The following ABCA7 variants were observed in gnomAD, a reference collection of about 807,000 sequenced individuals.
ABCA7 encodes ATP binding cassette subfamily A member 7, also known as phospholipid-transporting ATPase ABCA7.
ABCA7 carries 261 observed loss-of-function variants against 227.6 expected under a neutral mutation model. The observed-to-expected ratio is 1.15, with a 90% CI of 1.04 to 1.27. The LOEUF is 1.27. ABCA7 is among the 50% of genes most tolerant of loss of function. The pLI, the probability that ABCA7 is intolerant of heterozygous loss-of-function variation, is 0.00. For missense variants in ABCA7, 3,331 were observed against 2,924.5 expected (o/e 1.14, Z -3.21); for synonymous variants, 1,488 against 1,279.7 (o/e 1.16, Z -3.47).
chr19:1,045,269 G>A lies in ABCA7; in HGVS notation c.1445+38G>A, dbSNP rs564167317. The A allele has an allele frequency of 3.6e-5, 54 of 1,502,508 alleles. No homozygotes were observed. The South Asian group carries it at 5.5e-4, about 15-fold the overall frequency. 93.1% of individuals were successfully genotyped at this position (1,502,508 alleles called of 1,614,324 possible). ...AGGGGGCGGGGGGATGAGGGACTGG[G>A]CGGGGCCAAGAGCGTGGTGGGTGGG... On this transcript the variant is annotated intron_variant, in intron 12 of 46. Transcript: ENST00000263094.
In ABCA7 at chr19:1,056,114, C is replaced by T; in HGVS notation, c.4287C>T (p.Gly1429=). ...GCCGAGACCCAGGCCTGCCCTCGGG[C>T]CAAGAGTTGGGCCGCTCAGTGGAGG... ...LGGRDPGLPS[G]QELGRSVEEL... Residue 1429 remains glycine (G), a synonymous_variant, in exon 32 of 47, where the codon GGC becomes GGT. Coordinates refer to ENST00000263094, the MANE Select transcript of ABCA7 (RefSeq NM_019112.4). The surrounding 1 kb of genome is among the most constrained non-coding windows in gnomAD (Gnocchi z 4.3). 3 of 1,607,898 alleles carry T rather than the reference C, an allele frequency of 1.9e-6. No homozygotes were observed. Among genetic ancestry groups the T allele is most frequent in the East Asian group, 2.2e-5 (1 of 44,786 alleles).
At chr19:1,047,099 G>A in intron 14 of ABCA7, 58 bp from the exon 15 acceptor site, 1 of 1,558,974 alleles carries the variant, frequency 6.4e-7, no homozygotes, top group Non-Finnish European at 8.7e-7. Flanking sequence ...CCCCACGTGG[G>A]TGCGCGCCCC....
At position 1,041,269 on chromosome 19, in the gene ABCA7, G is replaced by A; in HGVS notation, c.-93G>A. The stretch of plus-strand genomic sequence containing the variant: ...CTGTGGGATAAAGGAATGAGGTTCA[G>A]AAAGGGGCAGGGAGTTGCCCGCAGC... On this transcript the variant is annotated 5_prime_UTR_variant, in exon 2 of 47. Coordinates refer to ENST00000263094, the MANE Select transcript of ABCA7 (RefSeq NM_019112.4). 6.2e-6 allele frequency: 8 copies of A among 1,289,846 alleles called. No individual in the cohort carries two copies. The highest frequency in any genetic ancestry group is 9.0e-6 in the Non-Finnish European group (8 of 890,486). 79.9% of individuals were successfully genotyped at this position (1,289,846 alleles called of 1,614,324 possible).
chr19:1,061,924 G>A (rs1428017401), intron 41 of ABCA7, 36 bp downstream of exon 41: 2 of 1,539,646 alleles, frequency 1.3e-6, no homozygotes, highest in Admixed American at 4.1e-5. Flanking sequence ...GTGGGGCAGG[G>A]TTGGCCCTGA....
In ABCA7 at chr19:1,051,280, C is replaced by T. The variant is rs1277480884; in HGVS notation, c.2810C>T (p.Thr937Ile). 1 of 1,599,140 alleles carries T rather than the reference C, an allele frequency of 6.3e-7. No individual in the cohort carries two copies. Among genetic ancestry groups the T allele is most frequent in the Non-Finnish European group, 8.5e-7 (1 of 1,173,226 alleles). ...CTGGTCTCCAAGCAGAGTGTGCAGACTCGCCACCTCTCTGGTGAGCCCATC... is the reference window on the plus strand; with the variant it reads ...CTGGTCTCCAAGCAGAGTGTGCAGATTCGCCACCTCTCTGGTGAGCCCATC... ...VGLVSKQSVQTRHLSGGMQRK... is the reference protein window; with the variant it reads ...VGLVSKQSVQIRHLSGGMQRK... The change falls in exon 20 of 47, where the codon ACT (threonine) becomes ATT (isoleucine). Residue 937 changes from threonine (T) to isoleucine (I), a missense_variant. Thr to Ile is a moderately conservative substitution (Grantham distance 89). Coordinates refer to ENST00000263094, the MANE Select transcript of ABCA7 (RefSeq NM_019112.4).
intron 19 of ABCA7, 34 bp downstream of exon 19, chr19:1,051,086 G>T: frequency 1.9e-6 from 3 of 1,611,312 alleles, no homozygotes; most frequent in Non-Finnish European, 1.7e-6. Context: ...GCAGCGGTGG[G>T]AAGGGACTGG....
At position 1,046,330 on chromosome 19, in the gene ABCA7, C is replaced by T. The variant is rs1568265204; in HGVS notation, c.1546C>T (p.Arg516Cys). 15 of 1,602,966 alleles carry T rather than the reference C, an allele frequency of 9.4e-6. No individual in the cohort carries two copies. The highest frequency in any genetic ancestry group is 1.3e-5 in the Non-Finnish European group (15 of 1,178,928). ...LQDLVERAAV[R>C]VLSGANPRAG... ...AGACCTGGTGGAGCGTGCAGCCGTCCGCGTGCTCAGCGGCGCCAACCCCCG... is the reference window on the plus strand; with the variant it reads ...AGACCTGGTGGAGCGTGCAGCCGTCTGCGTGCTCAGCGGCGCCAACCCCCG... The change falls in exon 13 of 47, where the codon CGC becomes TGC. Residue 516 changes from arginine to cysteine, a missense_variant. Physicochemically the swap from Arg to Cys is radical, Grantham distance 180. Transcript: ENST00000263094.
Position 1,054,517 on chromosome 19 carries a change from CA to C in ABCA7, c.3727-51del. 1 of 1,588,382 alleles carries C rather than the reference CA, an allele frequency of 6.3e-7. No homozygotes were observed. The highest frequency in any genetic ancestry group is 8.6e-7 in the Non-Finnish European group (1 of 1,165,156). On this transcript the variant is annotated intron_variant, in intron 27 of 46. Coordinates refer to ENST00000263094, the MANE Select transcript of ABCA7 (RefSeq NM_019112.4). The surrounding 1 kb of genome is among the most constrained non-coding windows in gnomAD (Gnocchi z 4.8). ...TGTAGAGCAGGAGCAGGGACAGGTG[CA>C]AGCAAGCCTGGAGGGTGGATGGAAG... is the stretch of plus-strand genomic sequence containing the variant.
Position 1,043,722 on chromosome 19 carries a change from C to T in ABCA7, c.931-3C>T. ...TCATCAGTGGAGGGGGTGCTGTCCA[C>T]AGGTGAACCGGACCTTCGAGGAGCT... On this transcript the variant is annotated splice_polypyrimidine_tract_variant and splice_region_variant and intron_variant, in intron 9 of 46. Transcript: ENST00000263094. The T allele has an allele frequency of 6.2e-7, 1 of 1,612,158 alleles. No homozygotes were observed. The highest frequency in any genetic ancestry group is 1.3e-5 in the African/African-American group (1 of 74,958).
rs144910024 is a variant in ABCA7, at chr19:1,042,781, G to C, written c.534G>C (p.Glu178Asp). ...SLGLALGQAQ[E>D]PLHSLLEAAE... The stretch of plus-strand genomic sequence containing the variant: ...GGTTGGCACTGGGCCAAGCCCAGGA[G>C]CCCTTGCACAGCTTGTTGGAGGCCG... Residue 178 changes from glutamate (E) to aspartate (D), a missense_variant, in exon 7 of 47, where the codon GAG (glutamate) becomes GAC (aspartate). Glu to Asp is a conservative substitution (Grantham distance 45, BLOSUM62 2). Transcript: ENST00000263094. 5 of 1,613,088 alleles carry C rather than the reference G, an allele frequency of 3.1e-6. No individual in the cohort carries two copies. The African/African-American group carries it at 6.7e-5, about 22-fold the overall frequency.
At chr19:1,048,808 C>CAAAAA (rs375803635) in intron 16 of ABCA7, 87 bp from the exon 17 acceptor site, 27 of 497,322 alleles carry the variant, frequency 5.4e-5, no homozygotes, top group Admixed American at 3.4e-4. Flanking sequence ...GACTCCGTCT[C>CAAAAA]AAAAAAAAAA....
Position 1,061,893 on chromosome 19 carries a change from G to C in ABCA7, c.5570+5G>C, listed in dbSNP as rs200538373. ...GGCTGTGCTGGCAGGCCACAGGTGA[G>C]GGGTGCCAGGTAGGGTCAGGGTGGG... On this transcript the variant is annotated splice_donor_5th_base_variant and intron_variant, in intron 41 of 46. Transcript: ENST00000263094. The C allele has an allele frequency of 2.6e-3, 4,169 of 1,582,362 alleles. 8 individuals carry two copies. The highest frequency in any genetic ancestry group is 3.1e-3 in the Non-Finnish European group (3,610 of 1,166,822).
Position 1,041,984 on chromosome 19 carries a change from G to A in ABCA7, c.302+12G>A, listed in dbSNP as rs1195563506. 3.2e-6 allele frequency: 5 copies of A among 1,579,012 alleles called. No individual in the cohort carries two copies. The Admixed American group carries it at 5.4e-5, about 17-fold the overall frequency. On this transcript the variant is annotated intron_variant, in intron 4 of 46. Transcript: ENST00000263094. ...TTCAACGACTCCCTGTGAGCCAGAG[G>A]CAGTGGGTGCGGCCGGCCTGCAAAC...
intron 1 of ABCA7, 28 bp downstream of exon 1, chr19:1,040,224 G>A (rs2039875096): frequency 6.6e-6 from 1 of 152,288 alleles, no homozygotes; most frequent in Non-Finnish European, 1.5e-5. Context: ...AGGGAAGAAG[G>A]CCCGAGACTC....
rs878915585 is a variant in ABCA7, at chr19:1,044,890, GT to G, written c.1216-111del. On this transcript the variant is annotated intron_variant, in intron 11 of 46. Coordinates refer to ENST00000263094, the MANE Select transcript of ABCA7 (RefSeq NM_019112.4). ...TAGAGATCTCAGGAGGGAGCCGGCC[GT>G]GGGCCTACGAGGGGAAAACATGGCC... The G allele has an allele frequency of 1.7e-5, 25 of 1,486,490 alleles. No homozygotes were observed. In the South Asian group the frequency reaches 3.0e-4, roughly 18 times the overall value. The allele number at this position is 1,486,490 out of a possible 1,614,324, so 92.1% of individuals were successfully genotyped here. A position where few individuals can be genotyped will look rare whatever the true frequency, so the allele number is the denominator to read the frequency against.
chr19:1,053,769 C>A lies in ABCA7; in HGVS notation c.3424-19C>A. ...TCCCTGTCGGTGTCCAGTCTCTGAG[C>A]CCCTGCTTGTCTCCCCAGATCTTCC... On this transcript the variant is annotated intron_variant, in intron 24 of 46. Coordinates refer to ENST00000263094, the MANE Select transcript of ABCA7 (RefSeq NM_019112.4). The A allele has an allele frequency of 6.2e-7, 1 of 1,607,618 alleles. No homozygotes were observed.
intron 12 of ABCA7, 73 bp downstream of exon 12, chr19:1,045,304 C>A: frequency 7.3e-7 from 1 of 1,374,394 alleles, no homozygotes; most frequent in Non-Finnish European, 9.9e-7. Context: ...GGCCAGGCAG[C>A]ATTCAGCCTA....
chr19:1,043,455 C>G lies in ABCA7; in HGVS notation c.912C>G (p.Thr304=). The part of the protein sequence containing the change: ...KLLFAPDTPF[T]RKLMAQVNRT... ...TCTTTGCACCAGATACACCTTTTAC[C>G]CGGAAGCTCATGGCCCAGGTGGGGG... Residue 304 remains threonine (T), a synonymous_variant, in exon 9 of 47, where the codon ACC becomes ACG. Coordinates refer to ENST00000263094, the MANE Select transcript of ABCA7 (RefSeq NM_019112.4). The G allele has an allele frequency of 1.2e-6, 2 of 1,613,298 alleles. No homozygotes were observed. The highest frequency in any genetic ancestry group is 1.7e-6 in the Non-Finnish European group (2 of 1,180,026).
intron 40 of ABCA7, among the ~76,000 whole-genome samples, chr19:1,059,671 T>C (rs1369641625): frequency 2.8e-5 from 4 of 145,144 alleles, no homozygotes; most frequent in South Asian, 2.2e-4. Context: ...TCACACCATT[T>C]TCCTGCCTCA....
Sources: gnomAD v4.1 joint callset for allele counts (sites outside exome capture counted in the v4.1 genomes callset) on GRCh38, gnomAD v4.1.1 for gene constraint, Gnocchi (gnomAD v3.1) non-coding constraint, MANE v1.5 for transcripts, NCBI Gene and HGNC (gene_info 2026-07-23, HGNC 2026-07-21) for gene names.